BRD10: variants seen among roughly 807,000 people sequenced by gnomAD.
BRD10 encodes bromodomain containing 10.
chr9:5,933,284 T>C, the BRD10 span, among the ~76,000 whole-genome samples: 27 of 152,232 alleles, frequency 1.8e-4, no homozygotes, highest in African/African-American at 6.5e-4. Flanking sequence ...TGAGAGAATC[T>C]CAATGCATTA....
chr9:5,928,019 G>C, the BRD10 span, among the ~76,000 whole-genome samples: 3 of 152,116 alleles, frequency 2.0e-5, no homozygotes, highest in African/African-American at 7.2e-5. Context: ...AAGTTAACAT[G>C]TTCAAATCCA....
At chr9:5,906,942 G>C in the BRD10 span, 1 of 1,597,894 alleles carries the variant, frequency 6.3e-7, no homozygotes, top group Non-Finnish European at 8.5e-7. Context: ...CCCACAAGAA[G>C]GGTTTGATCA....
chr9:6,007,664 C>G, the BRD10 span: 2 of 1,606,358 alleles, frequency 1.2e-6, no homozygotes, highest in East Asian at 4.5e-5. Context: ...CTTCCGTGGG[C>G]CGGCCCTGAG....
chr9:5,919,650 C>T, the BRD10 span: 1 of 1,548,058 alleles, frequency 6.5e-7, no homozygotes, highest in Non-Finnish European at 8.7e-7. Flanking sequence ...AAACAATGCC[C>T]CATTATTTAA....
At chr9:5,943,834 C>T in the BRD10 span, among the ~76,000 whole-genome samples, 1 of 151,978 alleles carries the variant, frequency 6.6e-6, no homozygotes, top group Admixed American at 6.6e-5. Flanking sequence ...CTTAAATTAC[C>T]ATGATACTCT....
At chr9:5,987,171 C>CT in the BRD10 span, among the ~76,000 whole-genome samples, 142 of 151,646 alleles carry the variant, frequency 9.4e-4, no homozygotes, top group African/African-American at 3.1e-3. Flanking sequence ...ATTAGCCATT[C>CT]TTTTTTTTTA....
chr9:5,930,369 T>TTTTATATATATACATATATA, the BRD10 span, among the ~76,000 whole-genome samples: 213 of 135,528 alleles, frequency 1.6e-3, 5 homozygotes, highest in African/African-American at 5.5e-3. Flanking sequence ...TATAAGGAGA[T>TTTTATATATATACATATATA]TATATATATA....
chr9:5,967,709 A>AC, the BRD10 span, among the ~76,000 whole-genome samples: 830 of 151,466 alleles, frequency 5.5e-3, 10 homozygotes, highest in African/African-American at 0.019. Context: ...AAAAAAAAAA[A>AC]AACACACATT....
chr9:5,914,581 G>A, the BRD10 span, among the ~76,000 whole-genome samples: 26 of 151,496 alleles, frequency 1.7e-4, no homozygotes, highest in African/African-American at 6.3e-4. Flanking sequence ...CCACCACCAC[G>A]CTCGGCTAAT....
At chr9:5,921,887 T>G in the BRD10 span, 3 of 1,613,772 alleles carry the variant, frequency 1.9e-6, no homozygotes, top group African/African-American at 1.3e-5. Context: ...TAATGTAAGT[T>G]TGAGATTTTT....
chr9:5,881,596 G>C, the BRD10 span: 1 of 152,232 alleles, frequency 6.6e-6, no homozygotes, highest in Non-Finnish European at 1.5e-5. Context: ...ACCGTGCTTG[G>C]TAGGAGTTAT....
At chr9:5,928,972 C>G in the BRD10 span, 1 of 777,350 alleles carries the variant, frequency 1.3e-6, no homozygotes, top group East Asian at 2.6e-5. Flanking sequence ...CTAAATGATT[C>G]CAGGACATCA....
chr9:5,883,452 CCTT>C, the BRD10 span, among the ~76,000 whole-genome samples: 3 of 115,162 alleles, frequency 2.6e-5, no homozygotes, highest in African/African-American at 6.7e-5. Context: ...TCATCCTATT[CCTT>C]CTTCTTCTTT....
the BRD10 span, among the ~76,000 whole-genome samples, chr9:5,899,929 C>A: frequency 6.6e-6 from 1 of 152,168 alleles, no homozygotes; most frequent in African/African-American, 2.4e-5. Context: ...CTATTTTACA[C>A]CCAGACATGT....
At chr9:5,991,686 T>G in the BRD10 span, among the ~76,000 whole-genome samples, 1 of 147,238 alleles carries the variant, frequency 6.8e-6, no homozygotes, top group African/African-American at 2.5e-5. Context: ...GATCGTGCCA[T>G]TGCATTCCAG....
At chr9:6,007,154 G>T in the BRD10 span, 1 of 1,579,024 alleles carries the variant, frequency 6.3e-7, no homozygotes, top group Non-Finnish European at 8.6e-7. Flanking sequence ...GTGTGTGTTT[G>T]TGTCAGTCTG....
At chr9:5,994,412 C>T in the BRD10 span, among the ~76,000 whole-genome samples, 5 of 152,168 alleles carry the variant, frequency 3.3e-5, no homozygotes, top group African/African-American at 1.2e-4. Flanking sequence ...AAAAGGTTTT[C>T]AGGAAAAGAA....
At chr9:5,946,294 GA>G in the BRD10 span, among the ~76,000 whole-genome samples, 1 of 151,926 alleles carries the variant, frequency 6.6e-6, no homozygotes, top group Non-Finnish European at 1.5e-5. Context: ...ACCAAGTAGG[GA>G]AAATATGTAT....
At chr9:5,929,776 A>AG in the BRD10 span, among the ~76,000 whole-genome samples, 1 of 152,118 alleles carries the variant, frequency 6.6e-6, no homozygotes, top group Non-Finnish European at 1.5e-5. Flanking sequence ...ATCTAGAGAG[A>AG]GCTCTAGCAT....
Sources: gnomAD v4.1 joint callset for allele counts (sites outside exome capture counted in the v4.1 genomes callset) on GRCh38, gnomAD v4.1.1 for gene constraint, MANE v1.5 for transcripts, NCBI Gene and HGNC (gene_info 2026-07-23, HGNC 2026-07-21) for gene names.